ZSWIM6: variants seen among roughly 807,000 people sequenced by gnomAD.
The protein encoded by ZSWIM6 is zinc finger SWIM-type containing 6, also known as zinc finger SWIM domain-containing protein 6.
Under a neutral mutation model 113.2 loss-of-function variants are expected in ZSWIM6, and 9 were observed. The ratio of observed to expected loss-of-function variants is 0.08; its 90% confidence interval spans 0.05 to 0.14. The LOEUF is 0.14. Among genes scored for constraint, ZSWIM6 ranks in the 10% least tolerant of loss-of-function variants. The pLI, the probability that ZSWIM6 is intolerant of heterozygous loss-of-function variation, is 1.00. For synonymous variants in ZSWIM6, 611 were observed against 606.5 expected (o/e 1.01, Z -0.11); for missense variants, 1,162 against 1,552.2 (o/e 0.75, Z 4.22).
intron 1 of ZSWIM6, among the ~76,000 whole-genome samples, chr5:61,387,409 A>G (rs768264500): frequency 6.6e-6 from 1 of 152,238 alleles, no homozygotes; most frequent in African/African-American, 2.4e-5. Context: ...CATGCCTTTA[A>G]TCTCAGCACT....
At chr5:61,533,137 C>T (rs1021816423) in intron 9 of ZSWIM6, among the ~76,000 whole-genome samples, 3 of 152,154 alleles carry the variant, frequency 2.0e-5, no homozygotes, top group Admixed American at 6.5e-5. Flanking sequence ...AGTACTGTGC[C>T]TGAGAAGGAG....
intron 1 of ZSWIM6, among the ~76,000 whole-genome samples, chr5:61,377,765 A>T (rs1161624845): frequency 2.0e-5 from 3 of 152,132 alleles, no homozygotes. Context: ...AAAAATGTTT[A>T]CAGCTCCACA....
intron 5 of ZSWIM6, among the ~76,000 whole-genome samples, chr5:61,525,082 A>G (rs991085843): frequency 1.3e-5 from 2 of 152,190 alleles, no homozygotes; most frequent in African/African-American, 4.8e-5. Flanking sequence ...GGCATACACT[A>G]TGCTGGGGAC....
chr5:61,423,408 C>CA (rs1188574400), intron 1 of ZSWIM6, among the ~76,000 whole-genome samples: 98 of 92,030 alleles, frequency 1.1e-3, no homozygotes, highest in Admixed American at 3.6e-3. Flanking sequence ...AACTCCATCT[C>CA]AAAAAAAAAA....
intron 1 of ZSWIM6, among the ~76,000 whole-genome samples, chr5:61,427,137 G>A (rs1389062913): frequency 6.6e-6 from 1 of 152,154 alleles, no homozygotes; most frequent in African/African-American, 2.4e-5. Flanking sequence ...TACAATGGCT[G>A]CAGAATAATT....
chr5:61,527,382 G>T (rs1749316769), intron 7 of ZSWIM6, among the ~76,000 whole-genome samples: 1 of 152,050 alleles, frequency 6.6e-6, no homozygotes, highest in Admixed American at 6.6e-5. Context: ...TAATGCTTGG[G>T]TGATTATACA....
At chr5:61,444,952 C>T (rs1470947675) in intron 1 of ZSWIM6, among the ~76,000 whole-genome samples, 3 of 152,184 alleles carry the variant, frequency 2.0e-5, no homozygotes, top group Non-Finnish European at 4.4e-5. Flanking sequence ...AGTCAAAGCC[C>T]TGTAACTTAA....
At chr5:61,376,928 A>T (rs1053081117) in intron 1 of ZSWIM6, among the ~76,000 whole-genome samples, 3 of 152,160 alleles carry the variant, frequency 2.0e-5, no homozygotes, top group African/African-American at 7.2e-5. Flanking sequence ...ATTAAAAAAA[A>T]AAAAGGCTTC....
rs768788655 is a variant in ZSWIM6, at chr5:61,544,010, C to T, written c.3341C>T (p.Thr1114Ile). The change falls in exon 14 of 14, where the codon ACC (threonine) becomes ATC (isoleucine). Residue 1114 changes from threonine to isoleucine, a missense_variant. Thr to Ile is a moderately conservative substitution (Grantham distance 89, BLOSUM62 -1). Transcript: ENST00000252744. ...LSDILRRCTL[T>I]TPGMVGLHGR... ...GACATTTTGCGCAGATGCACTCTGA[C>T]CACTCCTGGCATGGTGGGACTTCAT... The T allele has an allele frequency of 6.4e-7, 1 of 1,551,976 alleles. No individual in the cohort carries two copies. Among genetic ancestry groups the T allele is most frequent in the Non-Finnish European group, 8.7e-7 (1 of 1,147,052 alleles).
intron 1 of ZSWIM6, among the ~76,000 whole-genome samples, chr5:61,367,551 T>G (rs1384964257): frequency 6.6e-6 from 1 of 152,190 alleles, no homozygotes; most frequent in Non-Finnish European, 1.5e-5. Flanking sequence ...CCCAGGTCCT[T>G]ACGTGCCTTT....
chr5:61,342,443 C>G (rs1744569229), intron 1 of ZSWIM6, among the ~76,000 whole-genome samples: 1 of 152,176 alleles, frequency 6.6e-6, no homozygotes, highest in Non-Finnish European at 1.5e-5. Context: ...ATTATTGTTT[C>G]CGTTTTACAG....
At chr5:61,372,758 C>T (rs1214770467) in intron 1 of ZSWIM6, among the ~76,000 whole-genome samples, 1 of 152,130 alleles carries the variant, frequency 6.6e-6, no homozygotes, top group East Asian at 1.9e-4. Flanking sequence ...CCTTTCAAAC[C>T]TGCTTTTCTC....
At chr5:61,465,600 T>C (rs1469808036) in intron 1 of ZSWIM6, among the ~76,000 whole-genome samples, 2 of 152,048 alleles carry the variant, frequency 1.3e-5, no homozygotes, top group Non-Finnish European at 2.9e-5. Flanking sequence ...TGTAAGAAAA[T>C]GGTGTAAGAA....
At chr5:61,433,832 A>C (rs889019982) in intron 1 of ZSWIM6, among the ~76,000 whole-genome samples, 1 of 151,806 alleles carries the variant, frequency 6.6e-6, no homozygotes, top group Non-Finnish European at 1.5e-5. Context: ...AAACTTGACA[A>C]ATTTTCAATA....
chr5:61,515,641 T>C (rs560661631), intron 4 of ZSWIM6, among the ~76,000 whole-genome samples: 31 of 152,236 alleles, frequency 2.0e-4, no homozygotes, highest in Middle Eastern at 3.4e-3. Flanking sequence ...CACTGTTGCA[T>C]TGGGGATCAT....
At chr5:61,467,360 AT>A (rs1747458084) in intron 1 of ZSWIM6, among the ~76,000 whole-genome samples, 1 of 152,212 alleles carries the variant, frequency 6.6e-6, no homozygotes, top group Non-Finnish European at 1.5e-5. Flanking sequence ...TTGCAAGCCT[AT>A]TTAATGTCTG....
chr5:61,508,347 A>G (rs190712819), intron 4 of ZSWIM6, among the ~76,000 whole-genome samples: 13 of 152,290 alleles, frequency 8.5e-5, no homozygotes, highest in African/African-American at 3.1e-4. Context: ...TTTTCTTTGA[A>G]GTGATAAAAT....
intron 1 of ZSWIM6, among the ~76,000 whole-genome samples, chr5:61,468,236 A>G (rs1561249700): frequency 6.6e-6 from 1 of 152,226 alleles, no homozygotes; most frequent in Admixed American, 6.5e-5. Context: ...CCCAAGGACT[A>G]TACAACACCG....
At chr5:61,385,750 C>T (rs1745580761) in intron 1 of ZSWIM6, among the ~76,000 whole-genome samples, 1 of 152,206 alleles carries the variant, frequency 6.6e-6, no homozygotes. Flanking sequence ...TTTTGGGAGG[C>T]TTCCCTCAGC....
Sources: gnomAD v4.1 joint callset for allele counts (sites outside exome capture counted in the v4.1 genomes callset) on GRCh38, gnomAD v4.1.1 for gene constraint, MANE v1.5 for transcripts, NCBI Gene and HGNC (gene_info 2026-07-23, HGNC 2026-07-21) for gene names.